Variants in RHBDL2 observed in about 807,000 individuals in gnomAD.
The protein encoded by RHBDL2 is rhomboid like 2.
Under a neutral mutation model 31.7 loss-of-function variants are expected in RHBDL2, and 26 were observed. That is an observed-to-expected ratio of 0.82 (90% confidence interval 0.60 to 1.14). RHBDL2 has a LOEUF of 1.14. Among genes scored for constraint, RHBDL2 ranks in the 50% most tolerant of loss-of-function variants. The pLI, the probability that RHBDL2 is intolerant of heterozygous loss-of-function variation, is 0.00. For missense variants in RHBDL2, 336 were observed against 364.4 expected (o/e 0.92, Z 0.63); for synonymous variants, 123 against 127.2 (o/e 0.97, Z 0.22).
intron 4 of RHBDL2, among the ~76,000 whole-genome samples, chr1:38,908,528 A>C (rs1643097723): frequency 1.3e-5 from 2 of 151,680 alleles, no homozygotes; most frequent in South Asian, 4.2e-4. Context: ...AAAAAAAAAA[A>C]AAAAAAAAAC....
intron 3 of RHBDL2, among the ~76,000 whole-genome samples, chr1:38,912,908 A>ATGTGTG (rs1275947345): frequency 5.7e-5 from 2 of 35,322 alleles, no homozygotes; most frequent in African/African-American, 1.9e-4. Context: ...ATATATATAT[A>ATGTGTG]TATGTGTGTG....
At chr1:38,912,910 A>ATATATATATATATG (rs1399583863) in intron 3 of RHBDL2, among the ~76,000 whole-genome samples, 19 of 41,372 alleles carry the variant, frequency 4.6e-4, no homozygotes, top group African/African-American at 1.7e-3. Context: ...ATATATATAT[A>ATATATATATATATG]TGTGTGTGTG....
intron 3 of RHBDL2, 93 bp from the exon 4 acceptor site, chr1:38,911,527 T>C (rs958855566): frequency 4.9e-6 from 4 of 810,626 alleles, no homozygotes; most frequent in African/African-American, 3.4e-5. Context: ...TTTTCTCTAG[T>C]TAAGGATTTG....
intron 3 of RHBDL2, among the ~76,000 whole-genome samples, chr1:38,911,787 G>A (rs1643151944): frequency 1.3e-5 from 2 of 151,642 alleles, no homozygotes; most frequent in Non-Finnish European, 2.9e-5. Context: ...CTACAGGCAT[G>A]TGCCACCACT....
chr1:38,892,677 A>G (rs1642869273), intron 6 of RHBDL2, among the ~76,000 whole-genome samples: 1 of 152,218 alleles, frequency 6.6e-6, no homozygotes, highest in Non-Finnish European at 1.5e-5. Flanking sequence ...ATGTGAGATG[A>G]TTATGTGAAA....
At chr1:38,891,739 T>A (rs2124301365) in intron 6 of RHBDL2, among the ~76,000 whole-genome samples, 1 of 152,370 alleles carries the variant, frequency 6.6e-6, no homozygotes, top group East Asian at 1.9e-4. Context: ...AAAGAGTCCC[T>A]TCCCACAGAC....
At position 38,919,089 on chromosome 1, in the gene RHBDL2, T is replaced by C. The variant is rs1279559988; in HGVS notation, c.124A>G (p.Ser42Gly). The change falls in exon 2 of 8, where the codon AGT becomes GGT. Residue 42 changes from serine (S) to glycine (G), a missense_variant. Physicochemically the swap from Ser to Gly is moderately conservative, Grantham distance 56 (BLOSUM62 0). Transcript: ENST00000372990. The part of the protein sequence containing the change: ...EDGGGKDRAK[S>G]KKVHRIVSKW... Reference sequence around the variant, plus strand: ...GAGACAATCCTGTGGACCTTTTTACTCTTGGCCCGATCTTTACCTCCCCCA... The same window carrying C: ...GAGACAATCCTGTGGACCTTTTTACCCTTGGCCCGATCTTTACCTCCCCCA... 6.2e-7 allele frequency: 1 copy of C among 1,614,148 alleles called. No homozygotes were observed. Among genetic ancestry groups the C allele is most frequent in the Non-Finnish European group, 8.5e-7 (1 of 1,180,028 alleles).
At position 38,929,538 on chromosome 1, in the gene RHBDL2, T is replaced by C. The variant is rs748642203; in HGVS notation, c.-125-10201A>G. The C allele has an allele frequency of 6.2e-6, 8 of 1,289,272 alleles. No individual in the cohort carries two copies. The South Asian group carries it at 7.4e-5, about 12-fold the overall frequency. 79.9% of individuals were successfully genotyped at this position (1,289,272 alleles called of 1,614,324 possible). On this transcript the variant is annotated intron_variant, in intron 1 of 7. Transcript: ENST00000372990. ...AACAGGGAGGTTTTAAATATCTGAA[T>C]TGTTTTTTCTAAACAGCTGGCCCCA...
chr1:38,917,977 G>T (rs1310490394), intron 2 of RHBDL2, among the ~76,000 whole-genome samples: 1 of 152,180 alleles, frequency 6.6e-6, no homozygotes, highest in Non-Finnish European at 1.5e-5. Flanking sequence ...TGAAGGCCTT[G>T]CTAGAGAAAA....
At chr1:38,896,281 AC>A (rs1642917865) in intron 4 of RHBDL2, among the ~76,000 whole-genome samples, 1 of 152,222 alleles carries the variant, frequency 6.6e-6, no homozygotes, top group African/African-American at 2.4e-5. Flanking sequence ...TAGAACAGCA[AC>A]ATAGCAGTGA....
intron 6 of RHBDL2, among the ~76,000 whole-genome samples, chr1:38,890,691 G>A (rs1394979513): frequency 2.0e-5 from 3 of 151,554 alleles, no homozygotes; most frequent in Admixed American, 6.6e-5. Context: ...CTTTAAAAGA[G>A]TTGCCTTCAT....
intron 5 of RHBDL2, 92 bp downstream of exon 5, chr1:38,895,877 A>G: frequency 1.3e-6 from 1 of 781,482 alleles, no homozygotes; most frequent in South Asian, 1.7e-5. Flanking sequence ...TGCTCAGTAA[A>G]TATTGATAAA....
At chr1:38,893,665 T>C (rs111745310) in intron 5 of RHBDL2, among the ~76,000 whole-genome samples, 3 of 151,904 alleles carry the variant, frequency 2.0e-5, no homozygotes, top group African/African-American at 7.2e-5. Context: ...ATTTTTGAGG[T>C]AATTTCAAAA....
intron 5 of RHBDL2, among the ~76,000 whole-genome samples, chr1:38,894,751 G>A (rs1642895190): frequency 7.9e-6 from 1 of 126,556 alleles, no homozygotes; most frequent in African/African-American, 3.1e-5. Flanking sequence ...TTTGTTGCCA[G>A]GCTGGAGTGC....
intron 3 of RHBDL2, among the ~76,000 whole-genome samples, chr1:38,912,986 T>TG (rs1557616015): frequency 4.4e-5 from 2 of 44,994 alleles, no homozygotes; most frequent in African/African-American, 8.0e-5. Flanking sequence ...GTGTGTGTAT[T>TG]TTTTTTTTTT....
chr1:38,909,105 C>T (rs190575852), intron 4 of RHBDL2, among the ~76,000 whole-genome samples: 12 of 152,210 alleles, frequency 7.9e-5, no homozygotes, highest in Admixed American at 6.5e-4. Flanking sequence ...CGATGTGTTC[C>T]TCTCGACATC....
intron 1 of RHBDL2, among the ~76,000 whole-genome samples, chr1:38,933,690 G>A (rs939165625): frequency 1.7e-4 from 25 of 150,532 alleles, no homozygotes; most frequent in Non-Finnish European, 3.1e-4. Flanking sequence ...CATGGCCGGC[G>A]ATGTTTATCA....
intron 6 of RHBDL2, among the ~76,000 whole-genome samples, chr1:38,892,608 T>C (rs1364460581): frequency 6.6e-6 from 1 of 152,208 alleles, no homozygotes; most frequent in African/African-American, 2.4e-5. Flanking sequence ...TCCATGTTAG[T>C]GTCTGGGAAA....
chr1:38,915,656 A>T lies in RHBDL2; in HGVS notation c.301T>A (p.Leu101Met), dbSNP rs147870493. ...GGACTCTCCAAGATGCCTGTGTCCA[A>T]CGTGATCCACTGTTTCTGAGGCTTC... ...VWKPQKQWIT[L>M]DTGILESPFI... The change falls in exon 3 of 8, where the codon TTG becomes ATG. Residue 101 changes from leucine (L) to methionine (M), a missense_variant. Transcript: ENST00000372990. The T allele has an allele frequency of 5.1e-5, 83 of 1,614,120 alleles. 1 individual carries two copies. In the African/African-American group the frequency reaches 9.3e-4, roughly 18 times the overall value.
Sources: allele counts gnomAD v4.1 joint callset (sites outside exome capture counted in the v4.1 genomes callset), GRCh38; gene constraint gnomAD v4.1.1; transcripts MANE v1.5; gene names NCBI Gene and HGNC (gene_info 2026-07-23, HGNC 2026-07-21).